The following NLGN1 variants were observed in gnomAD, a reference collection of about 807,000 sequenced individuals.
The protein encoded by NLGN1 is neuroligin 1.
In NLGN1, 12 loss-of-function variants were observed where a neutral mutation model predicts 65.5. That is an observed-to-expected ratio of 0.18 (90% CI 0.12 to 0.30). The LOEUF (loss-of-function observed/expected upper bound fraction) is 0.30, where lower values mean the gene tolerates loss of function less well. NLGN1 is among the 10% of genes least tolerant of loss of function. The probability of loss-of-function intolerance (pLI) is 1.00; values close to 1 mark genes in which losing one functional copy is unlikely to be tolerated. For synonymous variants in NLGN1, 350 were observed against 359.5 expected, an observed-to-expected ratio of 0.97 and a Z score of 0.30; for missense variants, 750 against 1,007.1, an observed-to-expected ratio of 0.74 and a Z score of 3.46.
At chr3:174,131,620 G>T (rs1191226775) in intron 4 of NLGN1, among the ~76,000 whole-genome samples, 2 of 152,096 alleles carry the variant, frequency 1.3e-5, no homozygotes, top group Non-Finnish European at 2.9e-5. Context: ...AATATAAACA[G>T]TGTAGTGTGT....
chr3:173,632,312 G>A (rs917073685), intron 3 of NLGN1, among the ~76,000 whole-genome samples: 1 of 152,142 alleles, frequency 6.6e-6, no homozygotes, highest in Non-Finnish European at 1.5e-5. Flanking sequence ...TGGTGGTTGT[G>A]CAAACATTTG....
intron 4 of NLGN1, among the ~76,000 whole-genome samples, chr3:174,197,620 G>C (rs1035673863): frequency 1.3e-5 from 2 of 151,292 alleles, no homozygotes; most frequent in African/African-American, 2.4e-5. Flanking sequence ...AGCCCTGCCA[G>C]TCTATGTTCA....
intron 4 of NLGN1, among the ~76,000 whole-genome samples, chr3:174,004,861 G>A (rs1379179451): frequency 1.3e-5 from 2 of 151,978 alleles, no homozygotes; most frequent in African/African-American, 4.8e-5. Flanking sequence ...TTACGTTCGT[G>A]TTAAATCTCA....
At chr3:173,716,906 G>A (rs927832392) in intron 3 of NLGN1, among the ~76,000 whole-genome samples, 5 of 152,082 alleles carry the variant, frequency 3.3e-5, no homozygotes, top group Non-Finnish European at 5.9e-5. Flanking sequence ...AAGGGGTGGG[G>A]GGTCTGCCTC....
intron 3 of NLGN1, among the ~76,000 whole-genome samples, chr3:173,794,821 A>G (rs998735852): frequency 6.6e-6 from 1 of 152,084 alleles, no homozygotes; most frequent in African/African-American, 2.4e-5. Flanking sequence ...TCTAGATGGA[A>G]TTGCTTTTGA....
At chr3:174,215,093 T>C (rs1737357590) in intron 4 of NLGN1, among the ~76,000 whole-genome samples, 1 of 152,098 alleles carries the variant, frequency 6.6e-6, no homozygotes, top group Non-Finnish European at 1.5e-5. Flanking sequence ...AATTTCTGAA[T>C]ATCAAGTCCA....
At chr3:174,020,588 TGA>T (rs1333132917) in intron 4 of NLGN1, among the ~76,000 whole-genome samples, 1 of 152,164 alleles carries the variant, frequency 6.6e-6, no homozygotes. Context: ...AGTAACAGGT[TGA>T]GGATGCCTGT....
intron 4 of NLGN1, among the ~76,000 whole-genome samples, chr3:174,207,826 C>T (rs1164457115): frequency 1.3e-5 from 2 of 152,072 alleles, no homozygotes; most frequent in Non-Finnish European, 2.9e-5. Flanking sequence ...ACATTCTAGG[C>T]CTTCAGTAGA....
chr3:173,675,846 C>G (rs62289896), intron 3 of NLGN1, among the ~76,000 whole-genome samples: 6,928 of 147,396 alleles, frequency 0.047, 214 homozygotes, highest in Non-Finnish European at 0.076. Context: ...GTCTCTGTCT[C>G]TCTCTCTTTC....
intron 4 of NLGN1, among the ~76,000 whole-genome samples, chr3:174,152,984 T>A (rs1357212663): frequency 1.3e-5 from 2 of 152,142 alleles, no homozygotes; most frequent in Non-Finnish European, 2.9e-5. Context: ...CTTGCCTGTC[T>A]CTTCTAAATT....
At chr3:174,027,121 A>G (rs1278454044) in intron 4 of NLGN1, among the ~76,000 whole-genome samples, 2 of 151,974 alleles carry the variant, frequency 1.3e-5, no homozygotes, top group African/African-American at 4.8e-5. Context: ...ATAGAAATCC[A>G]TCTTCACCAA....
intron 3 of NLGN1, among the ~76,000 whole-genome samples, chr3:173,732,256 G>A (rs2150061630): frequency 6.6e-6 from 1 of 152,056 alleles, no homozygotes; most frequent in African/African-American, 2.4e-5. Context: ...AATTATAATG[G>A]TGCAAACAGC....
intron 3 of NLGN1, among the ~76,000 whole-genome samples, chr3:173,719,958 T>C (rs1273897112): frequency 6.6e-6 from 1 of 151,740 alleles, no homozygotes; most frequent in East Asian, 1.9e-4. Flanking sequence ...CTACAAAAAT[T>C]TAAAAATTAG....
rs185256138 is a variant in NLGN1 at position 173,616,711 on chromosome 3, C to T, written c.493+11620C>T. 2.2e-3 allele frequency among the ~76,000 whole-genome samples: 333 copies of T among 152,222 alleles called. 1 individual carries two copies. The highest frequency in any genetic ancestry group is 7.3e-3 in the African/African-American group (303 of 41,550). ...CCTTCTCCATTTCTCGCATCCTGAT[C>T]GAGAGCCTCCATCATTTCTTGCCTC... On this transcript the variant is annotated intron_variant, in intron 3 of 6. Transcript: ENST00000457714.
chr3:173,641,880 T>G (rs1757467874), intron 3 of NLGN1, among the ~76,000 whole-genome samples: 1 of 152,178 alleles, frequency 6.6e-6, no homozygotes, highest in Non-Finnish European at 1.5e-5. Context: ...ATTTCTATTT[T>G]CACACTACAA....
intron 4 of NLGN1, among the ~76,000 whole-genome samples, chr3:174,105,848 G>A (rs1713658587): frequency 6.6e-6 from 1 of 151,980 alleles, no homozygotes; most frequent in African/African-American, 2.4e-5. Context: ...AGCAATGTTG[G>A]TTTTGGAGCA....
At chr3:173,737,272 CCAGA>C (rs1773922502) in intron 3 of NLGN1, among the ~76,000 whole-genome samples, 1 of 151,898 alleles carries the variant, frequency 6.6e-6, no homozygotes, top group African/African-American at 2.4e-5. Flanking sequence ...AATTTGCTTA[CCAGA>C]CAATCCACCT....
exon 7 of NLGN1, chr3:174,283,988 A>T (rs1751841589): frequency 6.6e-6 from 1 of 151,394 alleles, no homozygotes; most frequent in African/African-American, 2.4e-5. Flanking sequence ...TCTATTAAAT[A>T]GTATGTTTTA....
chr3:173,973,094 A>C (rs1330358168), intron 4 of NLGN1, among the ~76,000 whole-genome samples: 1 of 152,160 alleles, frequency 6.6e-6, no homozygotes. Flanking sequence ...GAGGATAACT[A>C]GCAATAACAT....
Sources: gnomAD v4.1 joint callset for allele counts (sites outside exome capture counted in the v4.1 genomes callset) on GRCh38, gnomAD v4.1.1 for gene constraint, MANE v1.5 for transcripts, NCBI Gene and HGNC (gene_info 2026-07-23, HGNC 2026-07-21) for gene names.